The following LRRC4C variants were observed in gnomAD, a reference collection of about 807,000 sequenced individuals.
LRRC4C encodes leucine-rich repeat-containing protein 4C.
A neutral mutation model predicts 33.6 loss-of-function variants in LRRC4C; 5 were observed. The ratio of observed to expected loss-of-function variants is 0.15; its 90% CI spans 0.08 to 0.31. The LOEUF is 0.31. Among genes scored for constraint, LRRC4C ranks in the 10% least tolerant of loss-of-function variants. The probability of loss-of-function intolerance (pLI) is 1.00; values close to 1 mark genes in which losing one functional copy is unlikely to be tolerated. For missense variants in LRRC4C, 560 were observed against 796.7 expected (o/e 0.70, Z 3.58); for synonymous variants, 329 against 302.0 (o/e 1.09, Z -0.93).
intron 2 of LRRC4C, among the ~76,000 whole-genome samples, chr11:40,865,784 T>C (rs11036106): frequency 0.071 from 10,832 of 151,852 alleles, 699 homozygotes; most frequent in African/African-American, 0.17. Flanking sequence ...ATTTTTCCTA[T>C]ATAAAATACA....
rs143131855 is a variant in LRRC4C, at chr11:40,796,893, G to A, written c.-407+136742C>T. ...AACACCTGACCTTAAGTGAGCTGCC[G>A]TCCTCGGCCTCCCCAAGTGCTGGGT... is the stretch of plus-strand genomic sequence containing the variant. On this transcript the variant is annotated intron_variant, in intron 2 of 6. Transcript: ENST00000528697. Among the ~76,000 whole-genome samples, 149 of 151,990 alleles carry A rather than the reference G, an allele frequency of 9.8e-4. 1 individual carries two copies. The highest frequency in any genetic ancestry group is 3.0e-3 in the African/African-American group (124 of 41,470).
At chr11:40,443,602 G>A (rs1360693056) in intron 3 of LRRC4C, among the ~76,000 whole-genome samples, 4 of 152,148 alleles carry the variant, frequency 2.6e-5, no homozygotes, top group Non-Finnish European at 4.4e-5. Context: ...GTACCCTGAG[G>A]AGACAGATCA....
At chr11:40,699,188 A>G (rs1945737796) in intron 2 of LRRC4C, among the ~76,000 whole-genome samples, 1 of 152,238 alleles carries the variant, frequency 6.6e-6, no homozygotes, top group South Asian at 2.1e-4. Context: ...TTTCAGGAGA[A>G]TCTTACATTA....
chr11:41,315,548 C>A lies in LRRC4C; in HGVS notation c.-496+143883G>T, dbSNP rs375963380. 1.5e-4 allele frequency among the ~76,000 whole-genome samples: 23 copies of A among 152,226 alleles called. No individual in the cohort carries two copies. The East Asian group carries it at 4.5e-3, about 29-fold the overall frequency. The stretch of plus-strand genomic sequence containing the variant: ...CAACTTGCCAGCCATGTGGGTAAGT[C>A]GCCTTAGAAGTGAGTTCTCCAACCC... On this transcript the variant is annotated intron_variant, in intron 1 of 6. Transcript: ENST00000528697.
chr11:40,639,709 G>C (rs546279940), intron 3 of LRRC4C, among the ~76,000 whole-genome samples: 1 of 152,268 alleles, frequency 6.6e-6, no homozygotes, highest in African/African-American at 2.4e-5. Context: ...AATGTGTCCT[G>C]TGAAACATTT....
chr11:41,218,011 C>A (rs1269628040), intron 1 of LRRC4C, among the ~76,000 whole-genome samples: 1 of 152,084 alleles, frequency 6.6e-6, no homozygotes, highest in Non-Finnish European at 1.5e-5. Context: ...GATATGTGTT[C>A]TCATCCAAAT....
intron 1 of LRRC4C, among the ~76,000 whole-genome samples, chr11:40,987,482 G>C (rs909829129): frequency 6.6e-6 from 1 of 151,282 alleles, no homozygotes; most frequent in Non-Finnish European, 1.5e-5. Flanking sequence ...TCAGAAAAAC[G>C]TGCTTTTTAA....
chr11:40,243,618 C>G (rs1901585), intron 4 of LRRC4C, among the ~76,000 whole-genome samples: 1 of 150,832 alleles, frequency 6.6e-6, no homozygotes, highest in Non-Finnish European at 1.5e-5. Context: ...TAATTGATCA[C>G]TTAAATTTTA....
At chr11:41,323,159 C>A (rs1220302745) in intron 1 of LRRC4C, among the ~76,000 whole-genome samples, 2 of 152,092 alleles carry the variant, frequency 1.3e-5, no homozygotes, top group Non-Finnish European at 2.9e-5. Context: ...ACATTTACAT[C>A]CTATCATTAT....
intron 5 of LRRC4C, among the ~76,000 whole-genome samples, chr11:40,233,467 A>G (rs1467987763): frequency 6.6e-6 from 1 of 152,214 alleles, no homozygotes; most frequent in Non-Finnish European, 1.5e-5. Context: ...ACTGTTAATC[A>G]GCTGATCAAA....
At chr11:41,435,382 T>C (rs1446966080) in intron 1 of LRRC4C, among the ~76,000 whole-genome samples, 2 of 152,212 alleles carry the variant, frequency 1.3e-5, no homozygotes, top group African/African-American at 4.8e-5. Flanking sequence ...AATCCTCTTG[T>C]GCTTTGACAA....
rs186300245 is a variant in LRRC4C at position 41,383,758 on chromosome 11, C to T, written c.-496+75673G>A. ...AATAAATACAAACATTTAAGAAATG[C>T]CAACAAATGTAAATTAACTCAGTGA... On this transcript the variant is annotated intron_variant, in intron 1 of 6. Coordinates refer to ENST00000528697, the MANE Select transcript of LRRC4C (RefSeq NM_001258419.2). 2.4e-3 allele frequency among the ~76,000 whole-genome samples: 364 copies of T among 151,526 alleles called. 3 individuals are homozygous for T. The highest frequency in any genetic ancestry group is 8.5e-3 in the African/African-American group (352 of 41,396).
At chr11:40,273,637 C>T (rs1942873284) in intron 4 of LRRC4C, among the ~76,000 whole-genome samples, 1 of 152,052 alleles carries the variant, frequency 6.6e-6, no homozygotes, top group Non-Finnish European at 1.5e-5. Flanking sequence ...ATTTTCTCTG[C>T]TAGATACTAC....
At chr11:40,316,539 A>T (rs975782253) in intron 4 of LRRC4C, among the ~76,000 whole-genome samples, 3 of 152,002 alleles carry the variant, frequency 2.0e-5, no homozygotes, top group African/African-American at 7.3e-5. Flanking sequence ...AGGACAAAAA[A>T]TCTGCATGAC....
chr11:40,358,315 C>G (rs1265306650), intron 3 of LRRC4C, among the ~76,000 whole-genome samples: 2 of 152,290 alleles, frequency 1.3e-5, no homozygotes, highest in Admixed American at 6.5e-5. Flanking sequence ...CTCTGTCACT[C>G]TGTTGCCCAG....
intron 1 of LRRC4C, among the ~76,000 whole-genome samples, chr11:41,006,792 T>G (rs1462005657): frequency 1.3e-5 from 2 of 152,136 alleles, no homozygotes; most frequent in African/African-American, 2.4e-5. Context: ...TGCAATGTCT[T>G]ATATTCAATG....
intron 2 of LRRC4C, among the ~76,000 whole-genome samples, chr11:40,904,548 T>A (rs571957062): frequency 6.6e-6 from 1 of 152,194 alleles, no homozygotes; most frequent in Non-Finnish European, 1.5e-5. Context: ...CAAACAAATA[T>A]GCAAAGTTAA....
intron 1 of LRRC4C, among the ~76,000 whole-genome samples, chr11:41,057,254 G>A (rs2135333957): frequency 6.6e-6 from 1 of 152,276 alleles, no homozygotes; most frequent in East Asian, 1.9e-4. Context: ...TCACAGCCCA[G>A]CTGGGTGTTC....
At chr11:40,677,735 C>G (rs767200528) in intron 2 of LRRC4C, among the ~76,000 whole-genome samples, 1 of 152,170 alleles carries the variant, frequency 6.6e-6, no homozygotes, top group East Asian at 1.9e-4. Flanking sequence ...GATTTTTCAG[C>G]CTTCACGTGG....
Sources: allele counts gnomAD v4.1 joint callset (sites outside exome capture counted in the v4.1 genomes callset), GRCh38; gene constraint gnomAD v4.1.1; transcripts MANE v1.5; gene names NCBI Gene and HGNC (gene_info 2026-07-23, HGNC 2026-07-21).